The following CPSF3 variants were observed in gnomAD, a reference collection of about 807,000 sequenced individuals.
CPSF3 encodes cleavage and polyadenylation specific factor 3.
A neutral mutation model predicts 84.1 loss-of-function variants in CPSF3; 57 were observed. The ratio of observed to expected loss-of-function variants is 0.68; its 90% CI spans 0.55 to 0.85. The LOEUF is 0.85. Ranked by LOEUF, CPSF3 falls within the 40% of genes least tolerant of loss-of-function variation. The pLI is 0.00. For synonymous variants in CPSF3, 275 were observed against 278.1 expected (o/e 0.99, Z 0.11); for missense variants, 522 against 838.8 (o/e 0.62, Z 4.66).
rs746247106 is a variant in CPSF3, at chr2:9,455,709, T to C, written c.1555T>C (p.Tyr519His). The part of the protein sequence containing the change: ...STVKQTQAIP[Y>H]TGPFNLLCYQ... ...GGTGAAGCAGACCCAAGCCATTCCA[T>C]ATACTGGTCCCTTTAATTTGCTCTG... is the stretch of plus-strand genomic sequence containing the variant. Residue 519 changes from tyrosine to histidine, a missense_variant, in exon 13 of 18, where the codon TAT (tyrosine) becomes CAT (histidine). By Grantham distance (83) the Tyr-to-His change is moderately conservative. Around this residue, in one of 2 missense-constraint regions of CPSF3, gnomAD observed 193 missense variants for 231.6 expected, o/e 0.83. Coordinates refer to ENST00000238112, the MANE Select transcript of CPSF3 (RefSeq NM_016207.4). The C allele has an allele frequency of 6.2e-7, 1 of 1,614,162 alleles. No individual in the cohort carries two copies. Among genetic ancestry groups the C allele is most frequent in the Admixed American group, 1.7e-5 (1 of 60,012 alleles).
intron 6 of CPSF3, 92 bp from the exon 7 acceptor site, chr2:9,436,119 T>C (rs1048450792): frequency 9.4e-7 from 1 of 1,068,318 alleles, no homozygotes; most frequent in Non-Finnish European, 1.3e-6. Context: ...GAGAAGTGAA[T>C]TGCTTAGCCC....
chr2:9,430,843 A>G lies in CPSF3; in HGVS notation c.304A>G (p.Ile102Val), dbSNP rs1680559789. ...RTFMTHATKAIYRWLLSDYVK... is the reference protein window; with the variant it reads ...RTFMTHATKAVYRWLLSDYVK... ...ATTTATGACTCATGCCACAAAAGCTATTTATAGATGGCTTCTTTCTGATTA... is the reference window on the plus strand; with the variant it reads ...ATTTATGACTCATGCCACAAAAGCTGTTTATAGATGGCTTCTTTCTGATTA... The change falls in exon 4 of 18, where the codon ATT (isoleucine) becomes GTT (valine). Residue 102 changes from isoleucine to valine, a missense_variant. Ile to Val is a conservative substitution (Grantham distance 29). Around this residue, in one of 2 missense-constraint regions of CPSF3, gnomAD observed 329 missense variants for 607.2 expected, o/e 0.54. Coordinates refer to ENST00000238112, the MANE Select transcript of CPSF3 (RefSeq NM_016207.4). 1 of 1,613,222 alleles carries G rather than the reference A, an allele frequency of 6.2e-7. No individual in the cohort carries two copies. Among genetic ancestry groups the G allele is most frequent in the Non-Finnish European group, 8.5e-7 (1 of 1,179,212 alleles).
intron 16 of CPSF3, 130 bp from the exon 17 acceptor site, chr2:9,471,213 C>CA (rs58209081): frequency 0.086 from 35,832 of 415,200 alleles, 1,429 homozygotes; most frequent in African/African-American, 0.27. Context: ...GACTCCATCT[C>CA]AAAAAAAAAA....
intron 2 of CPSF3, among the ~76,000 whole-genome samples, chr2:9,429,575 C>T (rs748139375): frequency 6.6e-6 from 1 of 152,164 alleles, no homozygotes; most frequent in Non-Finnish European, 1.5e-5. Flanking sequence ...TCACGAGAGT[C>T]GATCTGGTAG....
At chr2:9,465,804 A>G (rs1681885524) in intron 15 of CPSF3, among the ~76,000 whole-genome samples, 1 of 152,162 alleles carries the variant, frequency 6.6e-6, no homozygotes, top group Non-Finnish European at 1.5e-5. Context: ...ATATTCTGAT[A>G]GCCCTTTTGT....
chr2:9,459,042 G>A (rs890266010), intron 14 of CPSF3, among the ~76,000 whole-genome samples: 12 of 151,660 alleles, frequency 7.9e-5, no homozygotes, highest in African/African-American at 2.9e-4. Flanking sequence ...AACCTGGGAG[G>A]CAGAGGTTGC....
chr2:9,427,095 A>G (rs1680420366), intron 1 of CPSF3, among the ~76,000 whole-genome samples: 1 of 152,174 alleles, frequency 6.6e-6, no homozygotes, highest in Non-Finnish European at 1.5e-5. Flanking sequence ...TGGCTGTAGT[A>G]TGTTTAAATT....
At chr2:9,465,278 T>G (rs1681861720) in intron 15 of CPSF3, among the ~76,000 whole-genome samples, 1 of 152,118 alleles carries the variant, frequency 6.6e-6, no homozygotes, top group Non-Finnish European at 1.5e-5. Flanking sequence ...TTGAAGTCTC[T>G]TTGAAATGAC....
intron 14 of CPSF3, among the ~76,000 whole-genome samples, chr2:9,459,180 A>G (rs1273765457): frequency 6.6e-6 from 1 of 152,138 alleles, no homozygotes; most frequent in Non-Finnish European, 1.5e-5. Context: ...TATAAGCATT[A>G]GGAATTTGAG....
At chr2:9,456,503 A>G (rs2124850839) in intron 13 of CPSF3, among the ~76,000 whole-genome samples, 2 of 152,336 alleles carry the variant, frequency 1.3e-5, no homozygotes, top group South Asian at 4.1e-4. Flanking sequence ...GTCCTTGATT[A>G]AGAGGATGCT....
At chr2:9,457,145 ATATGTGTGTG>A in intron 14 of CPSF3, 118 bp downstream of exon 14, 1 of 475,234 alleles carries the variant, frequency 2.1e-6, no homozygotes. Flanking sequence ...GTTGGAAAGT[ATATGTGTGTG>A]TGTGTGTGTG....
chr2:9,464,577 T>C (rs1681838530), intron 15 of CPSF3, among the ~76,000 whole-genome samples: 1 of 151,978 alleles, frequency 6.6e-6, no homozygotes, highest in Non-Finnish European at 1.5e-5. Flanking sequence ...GTTTTTTTAA[T>C]ATTTTTATTT....
At position 9,473,088 on chromosome 2, in the gene CPSF3, G is replaced by A. The variant is rs1479371021; in HGVS notation, c.*71G>A. On this transcript the variant is annotated 3_prime_UTR_variant, in exon 18 of 18. Coordinates refer to ENST00000238112, the MANE Select transcript of CPSF3 (RefSeq NM_016207.4). ...TTGTTACCTAAAATAAAATGCATTC[G>A]TTTCTCTGGGGGAGCCTGTTTACTT... 7.5e-6 allele frequency: 8 copies of A among 1,067,420 alleles called. No homozygotes were observed. Among genetic ancestry groups the A allele is most frequent in the Non-Finnish European group, 1.1e-5 (8 of 711,976 alleles). The allele number at this position is 1,067,420 out of a possible 1,614,324, so 66.1% of individuals were successfully genotyped here. A position where few individuals can be genotyped will look rare whatever the true frequency, so the allele number is the denominator to read the frequency against.
rs770375036 is a variant in CPSF3, at chr2:9,430,019, CAGTA to C, written c.212+3_212+6del. On this transcript the variant is annotated splice_donor_variant and splice_donor_region_variant and coding_sequence_variant and intron_variant, in exon 3 of 18. Transcript: ENST00000238112. LOFTEE classifies it high-confidence loss of function. The stretch of plus-strand genomic sequence containing the variant: ...TGAGATTGATCTCCTATTAATTAGT[CAGTA>C]AGTTTTTCCCTTTATTAATGACACT... 2.0e-6 allele frequency: 3 copies of C among 1,522,402 alleles called. No individual in the cohort carries two copies. Among genetic ancestry groups the C allele is most frequent in the Non-Finnish European group, 2.7e-6 (3 of 1,125,662 alleles). 94.3% of individuals were successfully genotyped at this position (1,522,402 alleles called of 1,614,324 possible).
intron 13 of CPSF3, among the ~76,000 whole-genome samples, chr2:9,456,155 T>C (rs1217481346): frequency 1.3e-5 from 2 of 152,184 alleles, no homozygotes. Flanking sequence ...GTTCTATTGA[T>C]ACCAGTCTAT....
At position 9,428,705 on chromosome 2, in the gene CPSF3, T is replaced by G. The variant is rs149112325; in HGVS notation, c.51-60T>G. The G allele has an allele frequency of 4.0e-4, 480 of 1,189,718 alleles. 5 individuals are homozygous for G. In the East Asian group the frequency reaches 9.5e-3, roughly 24 times the overall value. The allele number at this position is 1,189,718 out of a possible 1,614,324, so 73.7% of individuals were successfully genotyped here. ...GTGTACATTGTAAAAAAGTGTAAGT[T>G]TATTGGACTTGGTTTTGATTTTTTT... is the stretch of plus-strand genomic sequence containing the variant. On this transcript the variant is annotated intron_variant, in intron 1 of 17. Transcript: ENST00000238112.
intron 2 of CPSF3, among the ~76,000 whole-genome samples, 181 bp from the exon 3 acceptor site, chr2:9,429,742 T>C (rs1278390080): frequency 6.6e-6 from 1 of 152,242 alleles, no homozygotes; most frequent in African/African-American, 2.4e-5. Flanking sequence ...TTTAAATTTG[T>C]TGGGAAGTTA....
Position 9,429,975 on chromosome 2 carries a change from T to G in CPSF3, c.167T>G (p.Ile56Ser), listed in dbSNP as rs754282774. The change falls in exon 3 of 18, where the codon ATT becomes AGT. Residue 56 changes from isoleucine to serine, a missense_variant. Physicochemically the swap from Ile to Ser is moderately radical, Grantham distance 142. Around this residue, in one of 2 missense-constraint regions of CPSF3, gnomAD observed 329 missense variants for 607.2 expected, o/e 0.54. Transcript: ENST00000238112. ...GLEGMDALPY[I>S]DLIDPAEIDL... Reference sequence around the variant, plus strand: ...GAAGGAATGGATGCTCTTCCTTATATTGATTTAATTGACCCAGCTGAGATT... The same window carrying G: ...GAAGGAATGGATGCTCTTCCTTATAGTGATTTAATTGACCCAGCTGAGATT... 1.4e-5 allele frequency: 23 copies of G among 1,591,000 alleles called. No individual in the cohort carries two copies. The highest frequency in any genetic ancestry group is 5.4e-5 in the Admixed American group (3 of 55,060).
chr2:9,466,256 A>ACACGTGCG (rs1446535596), intron 15 of CPSF3, among the ~76,000 whole-genome samples: 8 of 97,532 alleles, frequency 8.2e-5, no homozygotes, highest in African/African-American at 2.9e-4. Flanking sequence ...ACGCGCACAC[A>ACACGTGCG]CGCACACAAA....
Sources: allele counts gnomAD v4.1 joint callset (sites outside exome capture counted in the v4.1 genomes callset), GRCh38; gene constraint gnomAD v4.1.1; regional missense constraint gnomAD v4.1.1; transcripts MANE v1.5; gene names NCBI Gene and HGNC (gene_info 2026-07-23, HGNC 2026-07-21).